LOXL4: variants seen among roughly 807,000 people sequenced by gnomAD.
LOXL4 encodes the protein lysyl oxidase like 4.
Under a neutral mutation model 89.1 loss-of-function variants are expected in LOXL4, and 72 were observed. That is an observed-to-expected ratio of 0.81 (90% CI 0.67 to 0.98). The LOEUF is 0.98. Ranked by LOEUF, LOXL4 falls within the 50% of genes least tolerant of loss-of-function variation. The probability of loss-of-function intolerance (pLI) is 0.00; values close to 1 mark genes in which losing one functional copy is unlikely to be tolerated. For synonymous variants in LOXL4, 355 were observed against 392.1 expected (o/e 0.91, Z 1.12); for missense variants, 984 against 1,017.5 (o/e 0.97, Z 0.45).
At chr10:98,264,833 G>A (rs1482161276) in intron 1 of LOXL4, among the ~76,000 whole-genome samples, 6 of 148,854 alleles carry the variant, frequency 4.0e-5, no homozygotes, top group African/African-American at 9.9e-5. Context: ...AAGAAAGCTC[G>A]TTCTGATGAG....
rs115412582 is a variant in LOXL4, at chr10:98,267,352, G to C, written c.-33+780C>G. Among the ~76,000 whole-genome samples, 1,058 of 152,336 alleles carry C rather than the reference G, an allele frequency of 6.9e-3. 18 individuals are homozygous for C. Among genetic ancestry groups the C allele is most frequent in the African/African-American group, 0.023 (975 of 41,578 alleles). On this transcript the variant is annotated intron_variant, in intron 1 of 14. Coordinates refer to ENST00000260702, the MANE Select transcript of LOXL4 (RefSeq NM_032211.7). ...GAGTGACAGATCCAAGATCTTGCCA[G>C]CTTGAGGCACAGAGGCACCTGCTCC...
intron 1 of LOXL4, among the ~76,000 whole-genome samples, chr10:98,265,508 A>G (rs921367252): frequency 1.6e-5 from 2 of 128,972 alleles, no homozygotes; most frequent in African/African-American, 2.9e-5. Flanking sequence ...GGTTCAAGTG[A>G]TTATCTTGCC....
rs1232814797 is a variant in LOXL4 at position 98,248,523 on chromosome 10, C to T, written c.*398G>A. The T allele has an allele frequency of 6.0e-6, 1 of 167,264 alleles. No individual in the cohort carries two copies. The highest frequency in any genetic ancestry group is 1.3e-5 in the Non-Finnish European group (1 of 77,494). 10.4% of individuals were successfully genotyped at this position (167,264 alleles called of 1,614,324 possible). A position where few individuals can be genotyped will look rare whatever the true frequency, so the allele number is the denominator to read the frequency against. On this transcript the variant is annotated 3_prime_UTR_variant, in exon 15 of 15. Coordinates refer to ENST00000260702, the MANE Select transcript of LOXL4 (RefSeq NM_032211.7). ...ACACTACCTGCTGTGTATTTTGGTC[C>T]TCTGTCCTATACTCCTCCAAGACAT... is the stretch of plus-strand genomic sequence containing the variant.
In LOXL4 at chr10:98,253,573, C is replaced by T. The variant is rs1858266006; in HGVS notation, c.1815G>A (p.Trp605Ter). 6.2e-7 allele frequency: 1 copy of T among 1,614,148 alleles called. No individual in the cohort carries two copies. The highest frequency in any genetic ancestry group is 1.3e-5 in the African/African-American group (1 of 74,960). The change falls in exon 11 of 15, where the codon TGG (tryptophan) becomes TGA (stop). Residue 605 changes from tryptophan to a stop codon, truncating the protein, a stop_gained. Transcript: ENST00000260702. LOFTEE classifies it high-confidence loss of function. ...CTAACCTGTGGCACTGGTGCCAAAC[C>T]CAGCTATCGCGTCCAGTCTTTGGAC... ...DFRPKTGRDS[W>*]VWHQCHRHYH...
intron 3 of LOXL4, among the ~76,000 whole-genome samples, 199 bp from the exon 4 acceptor site, chr10:98,261,326 A>G (rs1590883767): frequency 6.6e-6 from 1 of 152,234 alleles, no homozygotes; most frequent in African/African-American, 2.4e-5. Context: ...TGCAAGGCAG[A>G]ACCTCAGCTT....
chr10:98,251,294 C>G (rs1858185977), intron 13 of LOXL4, 118 bp from the exon 14 acceptor site: 2 of 876,420 alleles, frequency 2.3e-6, no homozygotes, highest in Admixed American at 4.1e-5. Context: ...AACAATTACC[C>G]AGGAGGTAGG....
At position 98,258,057 on chromosome 10, in the gene LOXL4, G is replaced by C; in HGVS notation, c.1029C>G (p.Ile343Met). Residue 343 changes from isoleucine (I) to methionine (M), a missense_variant, in exon 7 of 15, where the codon ATC (isoleucine) becomes ATG (methionine). By Grantham distance (10) the Ile-to-Met change is conservative (BLOSUM62 1). Coordinates refer to ENST00000260702, the MANE Select transcript of LOXL4 (RefSeq NM_032211.7). ...GCTGACGACACACGACACTGGCAGA[G>C]ATGAGGTTCCACCTGTGGTCACAGA... ...GTVCDHRWNL[I>M]SASVVCRQLG... The C allele has an allele frequency of 6.2e-7, 1 of 1,613,812 alleles. No homozygotes were observed. The highest frequency in any genetic ancestry group is 1.1e-5 in the South Asian group (1 of 91,088).
chr10:98,252,580 T>G, intron 11 of LOXL4, 112 bp from the exon 12 acceptor site: 1 of 695,322 alleles, frequency 1.4e-6, no homozygotes, highest in Non-Finnish European at 2.5e-6. Context: ...AGGAAAGTTA[T>G]AGTAGGCAGT....
intron 1 of LOXL4, among the ~76,000 whole-genome samples, chr10:98,264,791 C>T (rs376146278): frequency 2.0e-5 from 3 of 152,178 alleles, no homozygotes; most frequent in Non-Finnish European, 4.4e-5. Flanking sequence ...AAGCTAAGGC[C>T]GACCTGGAAC....
chr10:98,267,816 C>T (rs1231327797), intron 1 of LOXL4, among the ~76,000 whole-genome samples: 4 of 152,210 alleles, frequency 2.6e-5, no homozygotes, highest in Admixed American at 6.5e-5. Context: ...CCTTCCCTGT[C>T]TCCTCCCTGG....
intron 8 of LOXL4, among the ~76,000 whole-genome samples, chr10:98,257,167 A>G (rs1257158477): frequency 6.6e-6 from 1 of 152,226 alleles, no homozygotes; most frequent in Non-Finnish European, 1.5e-5. Flanking sequence ...TGCCTGGACC[A>G]GGGGCTCCTC....
chr10:98,252,412 G>T lies in LOXL4; in HGVS notation c.1892C>A (p.Ser631Tyr). ...THYDLLTLNGSKVAEGHKASF... is the reference protein window; with the variant it reads ...THYDLLTLNGYKVAEGHKASF... The stretch of plus-strand genomic sequence containing the variant: ...GGCCTTGTGCCCCTCAGCCACCTTG[G>T]AGCCATTGAGAGTGAGGAGGTCGTA... The change falls in exon 12 of 15, where the codon TCC (serine) becomes TAC (tyrosine). Residue 631 changes from serine (S) to tyrosine (Y), a missense_variant. By Grantham distance (144) the Ser-to-Tyr change is moderately radical. Transcript: ENST00000260702. 2 of 1,614,134 alleles carry T rather than the reference G, an allele frequency of 1.2e-6. No homozygotes were observed. The highest frequency in any genetic ancestry group is 1.7e-6 in the Non-Finnish European group (2 of 1,180,026).
chr10:98,253,896 C>T (rs753538163), intron 10 of LOXL4, 100 bp from the exon 11 acceptor site: 51 of 1,457,518 alleles, frequency 3.5e-5, no homozygotes, highest in South Asian at 1.7e-4. Flanking sequence ...TTAAACCCTC[C>T]GAGAGGACCC....
At chr10:98,258,264 T>G (rs1214625626) in intron 6 of LOXL4, 100 bp from the exon 7 acceptor site, 5 of 1,264,402 alleles carry the variant, frequency 4.0e-6, no homozygotes, top group Non-Finnish European at 3.2e-6. Context: ...TCAAGTTCCA[T>G]GGCGGTGGCC....
intron 6 of LOXL4, 50 bp from the exon 7 acceptor site, chr10:98,258,214 G>T: frequency 6.5e-7 from 1 of 1,549,312 alleles, no homozygotes; most frequent in Non-Finnish European, 8.7e-7. Flanking sequence ...GGCACCAGCA[G>T]GGGCTGAGCC....
rs538945915 is a variant in LOXL4, at chr10:98,248,858, A to G, written c.*63T>C. On this transcript the variant is annotated 3_prime_UTR_variant, in exon 15 of 15. Transcript: ENST00000260702. ...TCTGAGTTGGGACTCTGTGAAGGGC[A>G]TGGCTCCAATAAGCTGAGGTATCTG... 1.4e-6 allele frequency: 2 copies of G among 1,452,638 alleles called. No individual in the cohort carries two copies. The highest frequency in any genetic ancestry group is 1.9e-6 in the Non-Finnish European group (2 of 1,044,086). The allele number at this position is 1,452,638 out of a possible 1,614,324, so 90.0% of individuals were successfully genotyped here.
chr10:98,252,326 G>A (rs779124573), intron 12 of LOXL4, 27 bp downstream of exon 12: 7 of 1,505,680 alleles, frequency 4.6e-6, no homozygotes, highest in Non-Finnish European at 6.5e-6. Context: ...AGGAGATGCT[G>A]ATAGGTGCTG....
rs1238489163 is a variant in LOXL4 at position 98,258,092 on chromosome 10, A to G, written c.994T>C (p.Trp332Arg). The change falls in exon 7 of 15, where the codon TGG becomes CGG. Residue 332 changes from tryptophan (W) to arginine (R), a missense_variant. By Grantham distance (101) the Trp-to-Arg change is moderately radical. Transcript: ENST00000260702. ...GRVEVLMNRQWGTVCDHRWNL... is the reference protein window; with the variant it reads ...GRVEVLMNRQRGTVCDHRWNL... ...CACCTGTGGTCACAGACCGTGCCCC[A>G]CTGGCGGTTCATGAGCACTTCCACC... The G allele has an allele frequency of 6.2e-7, 1 of 1,613,592 alleles. No homozygotes were observed. The highest frequency in any genetic ancestry group is 8.5e-7 in the Non-Finnish European group (1 of 1,180,016).
Position 98,259,377 on chromosome 10 carries a change from G to T in LOXL4, c.701+14C>A. 6.2e-7 allele frequency: 1 copy of T among 1,612,718 alleles called. No individual in the cohort carries two copies. The highest frequency in any genetic ancestry group is 8.5e-7 in the Non-Finnish European group (1 of 1,179,582). On this transcript the variant is annotated intron_variant, in intron 5 of 14. Coordinates refer to ENST00000260702, the MANE Select transcript of LOXL4 (RefSeq NM_032211.7). ...CACCCCTTTGCCTCCTCCCTCTAGG[G>T]TGCTGCTCCTCACCTAGACTTAGGG...
Sources: gnomAD v4.1 joint callset for allele counts (sites outside exome capture counted in the v4.1 genomes callset) on GRCh38, gnomAD v4.1.1 for gene constraint, MANE v1.5 for transcripts, NCBI Gene and HGNC (gene_info 2026-07-23, HGNC 2026-07-21) for gene names.